Variants in LPAR1 observed in about 807,000 individuals in gnomAD.
LPAR1 encodes LPA receptor 1.
A neutral mutation model predicts 23.8 loss-of-function variants in LPAR1; 5 were observed. The observed-to-expected ratio is 0.21, with a 90% confidence interval of 0.11 to 0.44. The LOEUF (loss-of-function observed/expected upper bound fraction) is 0.44. Ranked by LOEUF, LPAR1 falls within the 20% of genes least tolerant of loss-of-function variation. The probability of loss-of-function intolerance (pLI) is 0.99; values close to 1 mark genes in which losing one functional copy is unlikely to be tolerated. For synonymous variants in LPAR1, 160 were observed against 164.7 expected (o/e 0.97, Z 0.22); for missense variants, 311 against 482.8 (o/e 0.64, Z 3.33).
chr9:110,981,601 A>AC (rs1311310026), intron 2 of LPAR1, among the ~76,000 whole-genome samples: 4 of 151,950 alleles, frequency 2.6e-5, no homozygotes, highest in Admixed American at 6.6e-5. Context: ...GAAATAAAAA[A>AC]AAATCACTGC....
At chr9:111,021,484 C>A (rs961683940) in intron 2 of LPAR1, among the ~76,000 whole-genome samples, 1 of 152,124 alleles carries the variant, frequency 6.6e-6, no homozygotes, top group African/African-American at 2.4e-5. Context: ...AATAATATCA[C>A]CCTCATCCAA....
At chr9:110,962,701 T>C (rs1401146465) in intron 4 of LPAR1, among the ~76,000 whole-genome samples, 1 of 152,194 alleles carries the variant, frequency 6.6e-6, no homozygotes, top group Non-Finnish European at 1.5e-5. Context: ...CAACCCACTT[T>C]TGCTTTTCTC....
intron 5 of LPAR1, among the ~76,000 whole-genome samples, chr9:110,876,063 T>C (rs1169416632): frequency 1.3e-5 from 2 of 152,210 alleles, no homozygotes; most frequent in Non-Finnish European, 2.9e-5. Flanking sequence ...TGGTTTTTAA[T>C]AGCAGTGTTA....
intron 1 of LPAR1, among the ~76,000 whole-genome samples, chr9:111,036,682 G>A (rs556849724): frequency 6.6e-6 from 1 of 152,290 alleles, no homozygotes; most frequent in South Asian, 2.1e-4. Context: ...GTACCTTGCG[G>A]GCTCGGATGA....
At chr9:111,014,437 C>T (rs1296090031) in intron 2 of LPAR1, among the ~76,000 whole-genome samples, 1 of 152,064 alleles carries the variant, frequency 6.6e-6, no homozygotes, top group Non-Finnish European at 1.5e-5. Flanking sequence ...GCCCCCCAAA[C>T]TCCCATCCTT....
At position 110,974,270 on chromosome 9, in the gene LPAR1, T is replaced by C. The variant is rs552068911; in HGVS notation, c.-181-712A>G. Among the ~76,000 whole-genome samples, 4 of 152,316 alleles carry C rather than the reference T, an allele frequency of 2.6e-5. No individual in the cohort carries two copies. In the South Asian group the frequency reaches 6.2e-4, roughly 24 times the overall value. ...TGATACCTGAACACTTTTTAAACTATTGGGAAATGATACTTTTCATAATAG... is the reference window on the plus strand; with the variant it reads ...TGATACCTGAACACTTTTTAAACTACTGGGAAATGATACTTTTCATAATAG... On this transcript the variant is annotated intron_variant, in intron 2 of 5. Transcript: ENST00000683809.
intron 2 of LPAR1, among the ~76,000 whole-genome samples, chr9:110,996,032 G>A (rs1485031634): frequency 6.6e-6 from 1 of 152,112 alleles, no homozygotes; most frequent in Non-Finnish European, 1.5e-5. Flanking sequence ...CCCTATGTCT[G>A]AGACATGACC....
intron 4 of LPAR1, among the ~76,000 whole-genome samples, chr9:110,970,030 T>C (rs2096364672): frequency 6.6e-6 from 1 of 152,184 alleles, no homozygotes; most frequent in South Asian, 2.1e-4. Context: ...AGAGTACACA[T>C]TTCCCCCAGT....
intron 2 of LPAR1, among the ~76,000 whole-genome samples, chr9:110,974,542 G>A (rs1187209374): frequency 7.9e-5 from 12 of 152,310 alleles, no homozygotes; most frequent in Admixed American, 7.2e-4. Context: ...TGATACTACA[G>A]TTTCAATCAC....
chr9:110,951,939 C>T (rs537396365), intron 4 of LPAR1, among the ~76,000 whole-genome samples: 1 of 152,252 alleles, frequency 6.6e-6, no homozygotes, highest in East Asian at 1.9e-4. Flanking sequence ...TTTAAATATG[C>T]TAATGACTAA....
chr9:110,924,641 T>C (rs1341677225), intron 5 of LPAR1, among the ~76,000 whole-genome samples: 7 of 151,494 alleles, frequency 4.6e-5, no homozygotes, highest in Admixed American at 4.6e-4. Flanking sequence ...AATTCCAGCC[T>C]GAGCAACATA....
At chr9:110,919,926 G>A (rs2093499161) in intron 5 of LPAR1, among the ~76,000 whole-genome samples, 2 of 152,178 alleles carry the variant, frequency 1.3e-5, no homozygotes, top group Admixed American at 6.5e-5. Context: ...CCCCAAAGCT[G>A]CACATCTATG....
chr9:110,978,837 T>A (rs145078148), intron 2 of LPAR1, among the ~76,000 whole-genome samples: 1 of 152,130 alleles, frequency 6.6e-6, no homozygotes, highest in South Asian at 2.1e-4. Flanking sequence ...ACAGGATGCT[T>A]AAAAAGTGGT....
At chr9:111,006,100 G>C (rs1473228669) in intron 2 of LPAR1, among the ~76,000 whole-genome samples, 1 of 152,196 alleles carries the variant, frequency 6.6e-6, no homozygotes, top group African/African-American at 2.4e-5. Flanking sequence ...AGGAATTAAT[G>C]AAGGCATATA....
At chr9:111,033,772 C>CA (rs1374248001) in intron 2 of LPAR1, among the ~76,000 whole-genome samples, 5 of 152,118 alleles carry the variant, frequency 3.3e-5, no homozygotes, top group African/African-American at 7.2e-5. Context: ...AGGCTGGTCT[C>CA]AAACTCTTGA....
chr9:110,982,897 C>CACAT (rs1554721324), intron 2 of LPAR1, among the ~76,000 whole-genome samples: 4 of 150,554 alleles, frequency 2.7e-5, no homozygotes, highest in Non-Finnish European at 5.9e-5. Context: ...CACACACACA[C>CACAT]GGCCAAACAT....
chr9:111,025,037 T>C (rs1016899059), intron 2 of LPAR1, among the ~76,000 whole-genome samples: 4 of 152,228 alleles, frequency 2.6e-5, no homozygotes, highest in Non-Finnish European at 4.4e-5. Context: ...TATAGTAGAA[T>C]GATTTATAAT....
chr9:110,911,055 T>A (rs986554789), intron 5 of LPAR1, among the ~76,000 whole-genome samples: 1 of 152,204 alleles, frequency 6.6e-6, no homozygotes, highest in Non-Finnish European at 1.5e-5. Flanking sequence ...GAAAGAAGTT[T>A]TACTGTAGGT....
At chr9:110,937,131 T>TG (rs1410686869) in intron 5 of LPAR1, among the ~76,000 whole-genome samples, 1 of 151,902 alleles carries the variant, frequency 6.6e-6, no homozygotes, top group East Asian at 1.9e-4. Flanking sequence ...TGGAAAAGGG[T>TG]GGATGAAATG....
Sources: gnomAD v4.1 joint callset for allele counts (sites outside exome capture counted in the v4.1 genomes callset) on GRCh38, gnomAD v4.1.1 for gene constraint, MANE v1.5 for transcripts, NCBI Gene and HGNC (gene_info 2026-07-23, HGNC 2026-07-21) for gene names.